Variants in MAP3K1 observed in about 807,000 individuals in gnomAD.
MAP3K1 encodes mitogen-activated protein kinase kinase kinase 1.
In MAP3K1, 36 loss-of-function variants were observed where a neutral mutation model predicts 144.2. The ratio of observed to expected loss-of-function variants is 0.25; its 90% CI spans 0.19 to 0.33. The LOEUF (loss-of-function observed/expected upper bound fraction) is 0.33, where lower values mean the gene tolerates loss of function less well. MAP3K1 is among the 10% of genes least tolerant of loss of function. The pLI is 1.00. For synonymous variants in MAP3K1, 718 were observed against 688.7 expected (o/e 1.04, Z -0.67); for missense variants, 1,650 against 1,881.9 (o/e 0.88, Z 2.28).
intron 1 of MAP3K1, among the ~76,000 whole-genome samples, chr5:56,827,404 A>C (rs569408356): frequency 1.3e-4 from 20 of 152,358 alleles, no homozygotes; most frequent in African/African-American, 4.8e-4. Flanking sequence ...CTGGGGTCAC[A>C]AATCTGGGAG....
At position 56,881,211 on chromosome 5, in the gene MAP3K1, G is replaced by A. The variant is rs758212651; in HGVS notation, c.2308G>A (p.Ala770Thr). ...AGATAGACTGTTGTTGGAATTTCCT[G>A]CTGAATTTTATCCTCATATTGTCAG... Reference protein sequence around the residue: ...LIDRLLLEFPAEFYPHIVSTD... With the variant: ...LIDRLLLEFPTEFYPHIVSTD... The change falls in exon 13 of 20, where the codon GCT (alanine) becomes ACT (threonine). Residue 770 changes from alanine to threonine, a missense_variant. Ala to Thr is a moderately conservative substitution (Grantham distance 58). Coordinates refer to ENST00000399503, the MANE Select transcript of MAP3K1 (RefSeq NM_005921.2). 2 of 1,613,710 alleles carry A rather than the reference G, an allele frequency of 1.2e-6. No individual in the cohort carries two copies. The highest frequency in any genetic ancestry group is 2.2e-5 in the South Asian group (2 of 91,066).
intron 17 of MAP3K1, 125 bp downstream of exon 17, chr5:56,886,188 G>C (rs1451835626): frequency 4.1e-6 from 3 of 739,560 alleles, no homozygotes; most frequent in Non-Finnish European, 7.0e-6. Context: ...TGGATCACTT[G>C]AGGTCAGGAG....
chr5:56,823,274 C>T (rs2111754592), intron 1 of MAP3K1, among the ~76,000 whole-genome samples: 1 of 152,300 alleles, frequency 6.6e-6, no homozygotes, highest in East Asian at 1.9e-4. Context: ...TGCGTGCTTT[C>T]ATTTCCTCAG....
intron 2 of MAP3K1, among the ~76,000 whole-genome samples, chr5:56,857,824 C>T (rs1409076439): frequency 1.3e-5 from 2 of 152,292 alleles, no homozygotes; most frequent in East Asian, 3.9e-4. Flanking sequence ...TCGATATCCT[C>T]ATCACTGAGC....
chr5:56,842,006 A>C (rs779661729), intron 1 of MAP3K1: 1 of 152,244 alleles, frequency 6.6e-6, no homozygotes, highest in South Asian at 2.1e-4. Flanking sequence ...ACAGCCAGAA[A>C]ACCTTCACCT....
chr5:56,873,333 G>A (rs1039582385), intron 9 of MAP3K1, among the ~76,000 whole-genome samples: 9 of 152,208 alleles, frequency 5.9e-5, no homozygotes, highest in South Asian at 2.1e-4. Context: ...TTTAATCCCC[G>A]TGCCTGCCAA....
chr5:56,836,822 A>G (rs948447240), intron 1 of MAP3K1, among the ~76,000 whole-genome samples: 99 of 152,142 alleles, frequency 6.5e-4, no homozygotes, highest in African/African-American at 2.1e-3. Flanking sequence ...CATCCTAGTA[A>G]TGCTTACTTG....
intron 1 of MAP3K1, among the ~76,000 whole-genome samples, chr5:56,830,185 TGAG>T (rs1391313477): frequency 6.6e-6 from 1 of 152,214 alleles, no homozygotes; most frequent in Non-Finnish European, 1.5e-5. Context: ...TTCTTCTTGT[TGAG>T]GATGCCCCAG....
chr5:56,879,218 T>C, intron 11 of MAP3K1, 117 bp downstream of exon 11: 1 of 1,295,758 alleles, frequency 7.7e-7, no homozygotes, highest in Non-Finnish European at 1.1e-6. Context: ...TTGAACATTG[T>C]CTTTTAATGT....
In MAP3K1 at chr5:56,884,757, A is replaced by G; in HGVS notation, c.3913A>G (p.Asn1305Asp). ...AATGATGAGCCATCTGAATCATCCA[A>G]ACATCATTAGGATGTTGGGAGCCAC... is the stretch of plus-strand genomic sequence containing the variant. ...IRMMSHLNHP[N>D]IIRMLGATCE... The change falls in exon 16 of 20, where the codon AAC (asparagine) becomes GAC (aspartate). Residue 1305 changes from asparagine to aspartate, a missense_variant. Physicochemically the swap from Asn to Asp is conservative, Grantham distance 23 (BLOSUM62 1). Transcript: ENST00000399503. 4 of 1,613,764 alleles carry G rather than the reference A, an allele frequency of 2.5e-6. No homozygotes were observed. The highest frequency in any genetic ancestry group is 3.4e-6 in the Non-Finnish European group (4 of 1,179,750).
At chr5:56,874,915 T>A (rs1245760510) in intron 9 of MAP3K1, 117 bp from the exon 10 acceptor site, 11 of 1,059,184 alleles carry the variant, frequency 1.0e-5, no homozygotes, top group African/African-American at 1.6e-5. Flanking sequence ...TGAAGGATGG[T>A]AAAGATTTCA....
At chr5:56,840,611 CAG>C (rs1460513683) in intron 1 of MAP3K1, among the ~76,000 whole-genome samples, 1 of 152,162 alleles carries the variant, frequency 6.6e-6, no homozygotes, top group Non-Finnish European at 1.5e-5. Flanking sequence ...TTTTAAAAAA[CAG>C]AAAACCCTAA....
chr5:56,843,793 CA>C (rs1297974602), intron 1 of MAP3K1, among the ~76,000 whole-genome samples: 1 of 152,162 alleles, frequency 6.6e-6, no homozygotes, highest in African/African-American at 2.4e-5. Context: ...GCCTTAATTG[CA>C]CTACAGACAT....
chr5:56,855,284 T>C (rs1747306419), intron 1 of MAP3K1, among the ~76,000 whole-genome samples: 1 of 152,164 alleles, frequency 6.6e-6, no homozygotes, highest in Admixed American at 6.5e-5. Flanking sequence ...ATAAGTAAAT[T>C]AGATAATCCT....
chr5:56,840,217 G>A lies in MAP3K1; in HGVS notation c.483-16383G>A, dbSNP rs374560535. Among the ~76,000 whole-genome samples, 6 of 152,110 alleles carry A rather than the reference G, an allele frequency of 3.9e-5. No homozygotes were observed. In the East Asian group the frequency reaches 5.8e-4, roughly 15 times the overall value. ...GGCCGGAGTACAGTGCCCTGATCTC[G>A]GCTCACTGCAACCTCCGCCTCCCAA... On this transcript the variant is annotated intron_variant, in intron 1 of 19. Transcript: ENST00000399503.
rs992618294 is a variant in MAP3K1, at chr5:56,894,864, T to C, written c.*1184T>C. 3 of 232,028 alleles carry C rather than the reference T, an allele frequency of 1.3e-5. No homozygotes were observed. The highest frequency in any genetic ancestry group is 2.2e-5 in the African/African-American group (1 of 45,302). 14.4% of individuals were successfully genotyped at this position (232,028 alleles called of 1,614,324 possible). A position where few individuals can be genotyped will look rare whatever the true frequency, so the allele number is the denominator to read the frequency against. On this transcript the variant is annotated 3_prime_UTR_variant, in exon 20 of 20. Coordinates refer to ENST00000399503, the MANE Select transcript of MAP3K1 (RefSeq NM_005921.2). ...AATGTGTTCAGAAAGAAAAATGGAA[T>C]TGAATTTCATTTATACACTAATTCC... is the stretch of plus-strand genomic sequence containing the variant.
chr5:56,820,809 TTC>T (rs1746131581), intron 1 of MAP3K1: 2 of 985,308 alleles, frequency 2.0e-6, no homozygotes, highest in Non-Finnish European at 2.4e-6. Flanking sequence ...CACAAGCTGT[TTC>T]TGTCGGTAGG....
intron 1 of MAP3K1, among the ~76,000 whole-genome samples, chr5:56,826,374 T>C (rs987124104): frequency 3.9e-5 from 6 of 152,216 alleles, no homozygotes; most frequent in African/African-American, 1.2e-4. Flanking sequence ...TCATTGTACA[T>C]GTAGTCAGGT....
At chr5:56,863,359 A>C (rs1444619327) in intron 3 of MAP3K1, among the ~76,000 whole-genome samples, 1 of 152,212 alleles carries the variant, frequency 6.6e-6, no homozygotes, top group Non-Finnish European at 1.5e-5. Flanking sequence ...CTCTATATAT[A>C]TAATTTGCCT....
Sources: gnomAD v4.1 joint callset for allele counts (sites outside exome capture counted in the v4.1 genomes callset) on GRCh38, gnomAD v4.1.1 for gene constraint, MANE v1.5 for transcripts, NCBI Gene and HGNC (gene_info 2026-07-23, HGNC 2026-07-21) for gene names.